Variants in NRXN3 observed in about 807,000 individuals in gnomAD.
NRXN3 encodes neurexin III.
In NRXN3, 32 loss-of-function variants were observed where a neutral mutation model predicts 137.6. That is an observed-to-expected ratio of 0.23 (90% CI 0.18 to 0.31). NRXN3 has a LOEUF of 0.31. NRXN3 is among the 10% of genes least tolerant of loss of function. NRXN3 has a pLI of 1.00. For synonymous variants in NRXN3, 798 were observed against 784.5 expected (o/e 1.02, Z -0.29); for missense variants, 1,574 against 2,062.5 (o/e 0.76, Z 4.59).
intron 4 of NRXN3, among the ~76,000 whole-genome samples, chr14:78,446,444 G>A (rs1010655978): frequency 1.1e-4 from 17 of 150,966 alleles, no homozygotes; most frequent in Non-Finnish European, 2.2e-4. Context: ...ATCATTTCCC[G>A]GATGCTTTCC....
rs182818849 is a variant in NRXN3, at chr14:78,322,058, C to T, written c.757+24198C>T. On this transcript the variant is annotated intron_variant, in intron 4 of 20. Transcript: ENST00000335750. ...CCAAAATTCTTACTCCTTTCTACCG[C>T]ACTACCCTCAATCTGCATACCAGCC... Among the ~76,000 whole-genome samples the T allele has an allele frequency of 4.6e-5, 7 of 152,120 alleles. No homozygotes were observed. The East Asian group carries it at 1.4e-3, about 29-fold the overall frequency.
At chr14:79,756,095 T>G (rs773515794) in intron 19 of NRXN3, among the ~76,000 whole-genome samples, 3 of 152,146 alleles carry the variant, frequency 2.0e-5, no homozygotes, top group African/African-American at 4.8e-5. Context: ...ATAGCTCTGC[T>G]TCAATCTGAA....
At chr14:79,434,431 C>T (rs2095811224) in intron 15 of NRXN3, among the ~76,000 whole-genome samples, 1 of 152,196 alleles carries the variant, frequency 6.6e-6, no homozygotes, top group South Asian at 2.1e-4. Context: ...TTCATGAACA[C>T]CTGCCACCTG....
chr14:78,812,940 G>T (rs977960604), intron 10 of NRXN3, among the ~76,000 whole-genome samples: 76 of 152,206 alleles, frequency 5.0e-4, no homozygotes, highest in Non-Finnish European at 4.0e-4. Flanking sequence ...AAATATACAT[G>T]GGTCTTTTAA....
At chr14:78,241,014 G>A (rs779669872) in intron 1 of NRXN3, among the ~76,000 whole-genome samples, 4 of 152,122 alleles carry the variant, frequency 2.6e-5, no homozygotes, top group African/African-American at 4.8e-5. Flanking sequence ...GAACTCAGGC[G>A]GGCCAGAGTC....
chr14:78,257,433 T>G (rs2153471214), intron 2 of NRXN3, among the ~76,000 whole-genome samples: 1 of 152,266 alleles, frequency 6.6e-6, no homozygotes, highest in Admixed American at 6.5e-5. Context: ...TAATAGCAGG[T>G]AGAATGTTTG....
chr14:78,644,105 C>T (rs1235269176), intron 4 of NRXN3, among the ~76,000 whole-genome samples: 1 of 144,864 alleles, frequency 6.9e-6, no homozygotes, highest in South Asian at 2.2e-4. Context: ...CACACCACTG[C>T]ACTCCAGCCT....
At chr14:78,239,761 C>T (rs558051662) in intron 1 of NRXN3, among the ~76,000 whole-genome samples, 4 of 152,112 alleles carry the variant, frequency 2.6e-5, no homozygotes, top group African/African-American at 7.2e-5. Flanking sequence ...GGATGGAGTA[C>T]AGTGGCACGA....
At chr14:79,026,068 G>A (rs1378653736) in intron 15 of NRXN3, among the ~76,000 whole-genome samples, 1 of 152,138 alleles carries the variant, frequency 6.6e-6, no homozygotes, top group Non-Finnish European at 1.5e-5. Context: ...AGGGAAGCTA[G>A]GAAATTGAGT....
chr14:79,485,005 G>T (rs990333543), intron 16 of NRXN3, among the ~76,000 whole-genome samples: 1 of 151,918 alleles, frequency 6.6e-6, no homozygotes. Flanking sequence ...AGAAAAGTTG[G>T]TTATTATTCT....
intron 17 of NRXN3, among the ~76,000 whole-genome samples, chr14:79,683,886 C>T (rs1354680340): frequency 5.3e-5 from 8 of 152,184 alleles, no homozygotes; most frequent in African/African-American, 1.9e-4. Flanking sequence ...CCTTTTATGA[C>T]TCAGTCTCTA....
chr14:78,965,941 G>C, intron 11 of NRXN3, 84 bp from the exon 12 acceptor site: 1 of 1,460,500 alleles, frequency 6.8e-7, no homozygotes, highest in Non-Finnish European at 9.3e-7. Context: ...TGTGGAAACA[G>C]GTTACACCCA....
chr14:79,141,598 T>C (rs1009159835), intron 15 of NRXN3, among the ~76,000 whole-genome samples: 2 of 152,298 alleles, frequency 1.3e-5, no homozygotes, highest in Middle Eastern at 3.4e-3. Flanking sequence ...TATAGGTACT[T>C]GAACTAAGAA....
intron 15 of NRXN3, among the ~76,000 whole-genome samples, chr14:79,269,447 T>G (rs897071226): frequency 5.3e-5 from 8 of 152,182 alleles, no homozygotes; most frequent in East Asian, 1.9e-4. Flanking sequence ...TAATATAGCA[T>G]ATGATACTAA....
chr14:78,568,883 G>A (rs561903808), intron 4 of NRXN3, among the ~76,000 whole-genome samples: 1 of 150,564 alleles, frequency 6.6e-6, no homozygotes, highest in African/African-American at 2.4e-5. Flanking sequence ...GCTTCTACCA[G>A]AAACACTGGT....
At chr14:79,492,452 G>C (rs113131058) in intron 16 of NRXN3, among the ~76,000 whole-genome samples, 1 of 151,932 alleles carries the variant, frequency 6.6e-6, no homozygotes, top group Non-Finnish European at 1.5e-5. Context: ...GCGCCATCTC[G>C]CCTTACCACA....
At chr14:78,712,330 G>A (rs1047739031) in intron 7 of NRXN3, among the ~76,000 whole-genome samples, 3 of 152,144 alleles carry the variant, frequency 2.0e-5, no homozygotes, top group Non-Finnish European at 4.4e-5. Flanking sequence ...ATATTGTTTT[G>A]AGGATCAAGT....
At chr14:79,402,222 C>T (rs1449126035) in intron 15 of NRXN3, among the ~76,000 whole-genome samples, 5 of 152,180 alleles carry the variant, frequency 3.3e-5, no homozygotes, top group African/African-American at 1.2e-4. Flanking sequence ...AGGCGTGAGC[C>T]ACTTCACCCA....
chr14:79,754,842 G>A (rs186670743), intron 19 of NRXN3, among the ~76,000 whole-genome samples: 1 of 151,790 alleles, frequency 6.6e-6, no homozygotes, highest in Admixed American at 6.6e-5. Context: ...GGTAGTGGGT[G>A]AGTTCTCACA....
Sources: gnomAD v4.1 joint callset for allele counts (sites outside exome capture counted in the v4.1 genomes callset) on GRCh38, gnomAD v4.1.1 for gene constraint, MANE v1.5 for transcripts, NCBI Gene and HGNC (gene_info 2026-07-23, HGNC 2026-07-21) for gene names.